Variants in TFR2 observed in about 807,000 individuals in gnomAD.
TFR2 encodes the protein transferrin receptor protein 2.
In TFR2, 64 loss-of-function variants were observed where a neutral mutation model predicts 91.9. That is an observed-to-expected ratio of 0.70 (90% confidence interval 0.57 to 0.86). The LOEUF is 0.86. Among genes scored for constraint, TFR2 ranks in the 40% least tolerant of loss-of-function variants. The probability of loss-of-function intolerance (pLI) is 0.00; values close to 1 mark genes in which losing one functional copy is unlikely to be tolerated. For missense variants in TFR2, 950 were observed against 1,080.5 expected, an observed-to-expected ratio of 0.88 and a Z score of 1.69; for synonymous variants, 454 against 459.6, an observed-to-expected ratio of 0.99 and a Z score of 0.15.
chr7:100,639,281 C>T (rs1240678665), intron 3 of TFR2, among the ~76,000 whole-genome samples: 1 of 152,048 alleles, frequency 6.6e-6, no homozygotes, highest in African/African-American at 2.4e-5. Context: ...GCATGAGAAT[C>T]GCGTGAACCT....
chr7:100,633,087 C>CTTCG lies in TFR2; in HGVS notation c.759_762dup (p.Asp255ArgfsTer189), dbSNP rs750443243. ...CCCCTGGCCCGCAGGTCCTGCAGGT[C>CTTCG]TTCGGGCCGCCCGTAGTGGGCGTAC... On this transcript the variant is annotated frameshift_variant, in exon 6 of 18. Transcript: ENST00000223051. LOFTEE classifies it high-confidence loss of function. 6.2e-7 allele frequency: 1 copy of CTTCG among 1,613,528 alleles called. No homozygotes were observed. Among genetic ancestry groups the CTTCG allele is most frequent in the South Asian group, 1.1e-5 (1 of 91,074 alleles).
At chr7:100,639,474 T>C (rs1803648254) in intron 3 of TFR2, among the ~76,000 whole-genome samples, 2 of 151,916 alleles carry the variant, frequency 1.3e-5, no homozygotes, top group Admixed American at 6.6e-5. Flanking sequence ...TCATTGTCAA[T>C]GGCAAAGTAT....
At chr7:100,627,869 C>G in intron 13 of TFR2, 38 bp downstream of exon 13, 9 of 1,614,110 alleles carry the variant, frequency 5.6e-6, no homozygotes, top group Non-Finnish European at 7.6e-6. Context: ...TCCCCGCAAC[C>G]TACTCCCCTT....
At chr7:100,630,288 C>G (rs892434520) in intron 9 of TFR2, among the ~76,000 whole-genome samples, 1 of 145,110 alleles carries the variant, frequency 6.9e-6, no homozygotes, top group Admixed American at 7.0e-5. Context: ...TTCTTTCTTT[C>G]TCTTTTTTTT....
At chr7:100,637,202 C>T (rs951884352) in intron 3 of TFR2, among the ~76,000 whole-genome samples, 1 of 152,052 alleles carries the variant, frequency 6.6e-6, no homozygotes, top group Admixed American at 6.6e-5. Flanking sequence ...GAGTTCGAGA[C>T]CAGACTGACC....
At chr7:100,626,525 G>C (rs1180503993) in intron 17 of TFR2, 1 of 1,372,048 alleles carries the variant, frequency 7.3e-7, no homozygotes, top group Non-Finnish European at 9.4e-7. Flanking sequence ...CGTAAACCAG[G>C]CGACTGTGGC....
In TFR2 at chr7:100,632,069, T is replaced by A; in HGVS notation, c.966+13A>T. 2.5e-6 allele frequency: 4 copies of A among 1,613,988 alleles called. No homozygotes were observed. Among genetic ancestry groups the A allele is most frequent in the Non-Finnish European group, 3.4e-6 (4 of 1,179,948 alleles). On this transcript the variant is annotated intron_variant, in intron 7 of 17. Coordinates refer to ENST00000223051, the MANE Select transcript of TFR2 (RefSeq NM_003227.4). ...GGACCTGGGAACAGCACGACCAGCC[T>A]CCCCAGACTCACATGTCCATACACT...
chr7:100,628,133 A>C lies in TFR2; in HGVS notation c.1477T>G (p.Tyr493Asp). The change falls in exon 12 of 18, where the codon TAC becomes GAC. Residue 493 changes from tyrosine (Y) to aspartate (D), a missense_variant. Tyr to Asp is a radical substitution (Grantham distance 160). Coordinates refer to ENST00000223051, the MANE Select transcript of TFR2 (RefSeq NM_003227.4). ...GCTTTGAGGTGCAGCACGCTGAGGT[A>C]GCCCTGTGGGTGGGTGACCAGTGTG... ...SVGSTEWLEG[Y>D]LSVLHLKAVV... 6.2e-7 allele frequency: 1 copy of C among 1,614,120 alleles called. No homozygotes were observed. The highest frequency in any genetic ancestry group is 8.5e-7 in the Non-Finnish European group (1 of 1,179,998).
rs1803316574 is a variant in TFR2 at position 100,627,985 on chromosome 7, G to A, written c.1538-11C>T. ...GAAACTTGTCATCCCCTGGAAAAAG[G>A]GGAGGGGAGGGATGCCAGGCTCAGG... On this transcript the variant is annotated splice_polypyrimidine_tract_variant and intron_variant, in intron 12 of 17. Transcript: ENST00000223051. 2 of 1,613,924 alleles carry A rather than the reference G, an allele frequency of 1.2e-6. No individual in the cohort carries two copies. Among genetic ancestry groups the A allele is most frequent in the African/African-American group, 1.3e-5 (1 of 74,902 alleles).
chr7:100,640,135 A>G (rs1803664757), intron 3 of TFR2: 1 of 156,678 alleles, frequency 6.4e-6, no homozygotes, highest in Admixed American at 6.1e-5. Context: ...GCTGGAGTGC[A>G]GTGGCATAAT....
intron 10 of TFR2, among the ~76,000 whole-genome samples, chr7:100,628,871 A>T (rs974870594): frequency 2.0e-5 from 3 of 151,754 alleles, no homozygotes; most frequent in Non-Finnish European, 4.4e-5. Context: ...GGTTCAAGCG[A>T]TTCTCCTGCC....
intron 6 of TFR2, 37 bp downstream of exon 6, chr7:100,632,964 C>A: frequency 6.2e-7 from 1 of 1,613,628 alleles, no homozygotes; most frequent in Non-Finnish European, 8.5e-7. Flanking sequence ...CCTCCGGTTC[C>A]CGGGCTCAAG....
chr7:100,639,298 C>T lies in TFR2; in HGVS notation c.473+1388G>A, dbSNP rs550079960. On this transcript the variant is annotated intron_variant, in intron 3 of 17. Transcript: ENST00000223051. ...ATGAGAATCGCGTGAACCTGGGAGG[C>T]GGAGGCTGCAGTGAGCCAAGATTGC... 4.1e-4 allele frequency among the ~76,000 whole-genome samples: 62 copies of T among 151,962 alleles called. 1 individual carries two copies. In the South Asian group the frequency reaches 0.011, roughly 28 times the overall value.
chr7:100,629,414 C>T lies in TFR2; in HGVS notation c.1271-42G>A. 4 of 1,611,748 alleles carry T rather than the reference C, an allele frequency of 2.5e-6. No homozygotes were observed. The Admixed American group carries it at 6.7e-5, about 27-fold the overall frequency. ...TGGGACCCACTTCTGACACTGCACC[C>T]TGCACCCTGGGGGCATCCTCCATCT... On this transcript the variant is annotated intron_variant, in intron 9 of 17. Coordinates refer to ENST00000223051, the MANE Select transcript of TFR2 (RefSeq NM_003227.4).
At chr7:100,624,266 C>G (rs1260669052) in intron 17 of TFR2, among the ~76,000 whole-genome samples, 1 of 152,078 alleles carries the variant, frequency 6.6e-6, no homozygotes, top group African/African-American at 2.4e-5. Context: ...TGTTCTGGCT[C>G]TGCTGGTCCA....
At chr7:100,641,372 G>A (rs897303133) in intron 1 of TFR2, 105 bp downstream of exon 1, 17 of 1,515,896 alleles carry the variant, frequency 1.1e-5, no homozygotes, top group African/African-American at 9.7e-5. Flanking sequence ...GGGAAGAAGC[G>A]AGGTCAGGAC....
Position 100,622,157 on chromosome 7 carries a change from T to C in TFR2, c.2137-1031A>G, listed in dbSNP as rs59680616. On this transcript the variant is annotated intron_variant, in intron 17 of 17. Coordinates refer to ENST00000223051, the MANE Select transcript of TFR2 (RefSeq NM_003227.4). ...CTTCCCGCCTTAGCCTCCTGAGTAG[T>C]TGGGAGTGCAGGCACGTGCCACCAT... Among the ~76,000 whole-genome samples, 163 of 152,266 alleles carry C rather than the reference T, an allele frequency of 1.1e-3. 2 individuals carry two copies. The East Asian group carries it at 0.031, about 29-fold the overall frequency.
chr7:100,633,013 G>T lies in TFR2; in HGVS notation c.837C>A (p.Ser279Arg). 7.4e-6 allele frequency: 12 copies of T among 1,613,766 alleles called. No homozygotes were observed. Among genetic ancestry groups the T allele is most frequent in the Non-Finnish European group, 1.0e-5 (12 of 1,179,990 alleles). ...CAGGGACACTTACCTTCTGGGCGAA[G>T]CTGATCACCCCCACGCGCACCAGCA... ...RLLLVRVGVI[S>R]FAQKVTNAQD... The change falls in exon 6 of 18, where the codon AGC (serine) becomes AGA (arginine). Residue 279 changes from serine to arginine, a missense_variant. Physicochemically the swap from Ser to Arg is moderately radical, Grantham distance 110. Transcript: ENST00000223051.
chr7:100,632,289 G>T, intron 6 of TFR2, 91 bp from the exon 7 acceptor site: 1 of 1,175,352 alleles, frequency 8.5e-7, no homozygotes. Context: ...GCCTTTGCTT[G>T]CAACTGTCCA....
Sources: allele counts gnomAD v4.1 joint callset (sites outside exome capture counted in the v4.1 genomes callset), GRCh38; gene constraint gnomAD v4.1.1; transcripts MANE v1.5; gene names NCBI Gene and HGNC (gene_info 2026-07-23, HGNC 2026-07-21).